ZBTB41: variants seen among roughly 807,000 people sequenced by gnomAD.
ZBTB41 encodes zinc finger and BTB domain-containing protein 41.
In ZBTB41, 42 loss-of-function variants were observed where a neutral mutation model predicts 87.6. The ratio of observed to expected loss-of-function variants is 0.48; its 90% CI spans 0.37 to 0.62. ZBTB41 has a LOEUF of 0.62. ZBTB41 is among the 20% of genes least tolerant of loss of function. The pLI is 0.00. For missense variants in ZBTB41, 799 were observed against 1,078.9 expected (o/e 0.74, Z 3.63); for synonymous variants, 364 against 364.0 (o/e 1.00, Z 0.00).
intron 2 of ZBTB41, among the ~76,000 whole-genome samples, chr1:197,196,799 C>T (rs759782897): frequency 3.3e-5 from 5 of 152,152 alleles, no homozygotes; most frequent in Admixed American, 1.3e-4. Context: ...GAGCAATTTC[C>T]AGAATACAAC....
intron 10 of ZBTB41, among the ~76,000 whole-genome samples, chr1:197,164,322 C>T (rs1201435027): frequency 6.6e-6 from 1 of 151,746 alleles, no homozygotes; most frequent in East Asian, 1.9e-4. Flanking sequence ...AACAACAATC[C>T]TTAATGATTA....
In ZBTB41 at chr1:197,158,011, A is replaced by G. The variant is rs1183200852; in HGVS notation, c.*1348T>C. The G allele has an allele frequency of 6.6e-6, 1 of 152,426 alleles. No homozygotes were observed. The highest frequency in any genetic ancestry group is 2.4e-5 in the African/African-American group (1 of 41,444). The allele number at this position is 152,426 out of a possible 1,614,324, so 9.4% of individuals were successfully genotyped here. ...TAGTTTATGTACAAATGACATGCTA[A>G]TAATAAATCAACCCTGTCTAGTCTA... On this transcript the variant is annotated 3_prime_UTR_variant, in exon 11 of 11. Coordinates refer to ENST00000367405, the MANE Select transcript of ZBTB41 (RefSeq NM_194314.3).
At chr1:197,179,874 G>T (rs1374085907) in intron 6 of ZBTB41, among the ~76,000 whole-genome samples, 4 of 152,152 alleles carry the variant, frequency 2.6e-5, no homozygotes, top group Non-Finnish European at 4.4e-5. Flanking sequence ...GAGTAAGAAG[G>T]TTGAAAAAAT....
At chr1:197,171,072 A>G (rs912349900) in intron 10 of ZBTB41, among the ~76,000 whole-genome samples, 3 of 152,116 alleles carry the variant, frequency 2.0e-5, no homozygotes, top group African/African-American at 7.2e-5. Flanking sequence ...TTTTGATGCA[A>G]TGTAGTCAGC....
At position 197,158,771 on chromosome 1, in the gene ZBTB41, A is replaced by G. The variant is rs907819960; in HGVS notation, c.*588T>C. ...ACATTAGTTAAGCTTTCTGGCTTTG[A>G]GTATATCAAAAGTCCAAAGGATAAT... On this transcript the variant is annotated 3_prime_UTR_variant, in exon 11 of 11. Transcript: ENST00000367405. 8 of 152,230 alleles carry G rather than the reference A, an allele frequency of 5.3e-5. No individual in the cohort carries two copies. Among genetic ancestry groups the G allele is most frequent in the African/African-American group, 1.9e-4 (8 of 41,462 alleles). 9.4% of individuals were successfully genotyped at this position (152,230 alleles called of 1,614,324 possible).
intron 4 of ZBTB41, among the ~76,000 whole-genome samples, chr1:197,188,698 T>C (rs1659945565): frequency 6.6e-6 from 1 of 152,212 alleles, no homozygotes; most frequent in Admixed American, 6.5e-5. Context: ...AATCATACTA[T>C]CTTAATTCTA....
At position 197,199,838 on chromosome 1, in the gene ZBTB41, A is replaced by G. The variant is rs1340985862; in HGVS notation, c.636T>C (p.Cys212=). 26 of 1,610,670 alleles carry G rather than the reference A, an allele frequency of 1.6e-5. No homozygotes were observed. Among genetic ancestry groups the G allele is most frequent in the Non-Finnish European group, 2.2e-5 (26 of 1,178,762 alleles). Residue 212 remains cysteine, a synonymous_variant, in exon 2 of 11, where the codon TGT becomes TGC. Coordinates refer to ENST00000367405, the MANE Select transcript of ZBTB41 (RefSeq NM_194314.3). ...ACTTTTTATAACAAAAATGTCTACTACAGAATTTGCACTGATGATTATTTG... is the reference window on the plus strand; with the variant it reads ...ACTTTTTATAACAAAAATGTCTACTGCAGAATTTGCACTGATGATTATTTG... ...RLSNNHQCKF[C]SRHFCYKKSL...
At chr1:197,193,137 C>T (rs927933026) in intron 2 of ZBTB41, among the ~76,000 whole-genome samples, 1 of 152,036 alleles carries the variant, frequency 6.6e-6, no homozygotes, top group Non-Finnish European at 1.5e-5. Context: ...ATTAGTTGCG[C>T]GATTTTAATC....
intron 4 of ZBTB41, 105 bp downstream of exon 4, chr1:197,190,657 T>G: frequency 7.9e-6 from 5 of 632,726 alleles, no homozygotes; most frequent in East Asian, 6.5e-5. Context: ...ATTCTAAAAG[T>G]GAGATAAGCT....
At position 197,188,398 on chromosome 1, in the gene ZBTB41, T is replaced by G; in HGVS notation, c.1440A>C (p.Glu480Asp). 1.1e-5 allele frequency: 18 copies of G among 1,613,204 alleles called. No homozygotes were observed. Among genetic ancestry groups the G allele is most frequent in the Non-Finnish European group, 1.5e-5 (18 of 1,179,670 alleles). The change falls in exon 5 of 11, where the codon GAA (glutamate) becomes GAC (aspartate). Residue 480 changes from glutamate to aspartate, a missense_variant. Physicochemically the swap from Glu to Asp is conservative, Grantham distance 45. Transcript: ENST00000367405. ...TATCTTGAGAATGTAGAATCATATGTTCCTCCAAGTGTGGTCTTCGAGTAA... is the reference window on the plus strand; with the variant it reads ...TATCTTGAGAATGTAGAATCATATGGTCCTCCAAGTGTGGTCTTCGAGTAA... ...KSFTRRPHLE[E>D]HMILHSQDKP...
chr1:197,200,456 C>T lies in ZBTB41; in HGVS notation c.18G>A (p.Lys6=), dbSNP rs148718587. The T allele has an allele frequency of 3.4e-4, 540 of 1,592,944 alleles. No homozygotes were observed. The highest frequency in any genetic ancestry group is 4.4e-4 in the Non-Finnish European group (521 of 1,172,664). The change falls in exon 2 of 11, where the codon AAG becomes AAA. Residue 6 remains lysine, a synonymous_variant. Transcript: ENST00000367405. MKKRR[K]VTSNLEKIHL... is the part of the protein sequence containing the mutation. ...GGATCTTCTCAAGATTTGAAGTAAC[C>T]TTTCTCCTCTTCTTCATTGCAGTAC...
At chr1:197,190,978 A>C in intron 3 of ZBTB41, 147 bp from the exon 4 acceptor site, 1 of 523,196 alleles carries the variant, frequency 1.9e-6, no homozygotes, top group South Asian at 2.8e-5. Context: ...CTCTTTAAGA[A>C]GGTATCATTA....
chr1:197,163,818 C>T (rs1315914049), intron 10 of ZBTB41, among the ~76,000 whole-genome samples: 1 of 151,690 alleles, frequency 6.6e-6, no homozygotes, highest in African/African-American at 2.4e-5. Context: ...GCTCCAAAAC[C>T]AAAAATAACC....
intron 10 of ZBTB41, among the ~76,000 whole-genome samples, chr1:197,166,788 G>A (rs1407839014): frequency 3.9e-5 from 6 of 152,006 alleles, no homozygotes; most frequent in Non-Finnish European, 5.9e-5. Flanking sequence ...TGGAGGTTGC[G>A]GTGAGCCAAG....
intron 10 of ZBTB41, among the ~76,000 whole-genome samples, chr1:197,160,796 C>A (rs1659183669): frequency 6.6e-6 from 1 of 152,184 alleles, no homozygotes; most frequent in East Asian, 1.9e-4. Flanking sequence ...TAAGGTAAGA[C>A]CTTGAAATAG....
intron 10 of ZBTB41, among the ~76,000 whole-genome samples, chr1:197,160,502 T>A (rs755841595): frequency 6.6e-5 from 10 of 152,188 alleles, no homozygotes; most frequent in Non-Finnish European, 1.5e-4. Context: ...CAATTCTAAT[T>A]AACATGGTTC....
chr1:197,174,516 C>T (rs1326249490), intron 9 of ZBTB41, among the ~76,000 whole-genome samples: 1 of 152,092 alleles, frequency 6.6e-6, no homozygotes, highest in East Asian at 1.9e-4. Flanking sequence ...TGCCTAACCC[C>T]AAAACATGAA....
chr1:197,154,205 G>A lies in ZBTB41; in HGVS notation c.*5154C>T, dbSNP rs1023542446. ...GCAGGAATACCAAGCAAAAAAATAC[G>A]CAGTAACAATGAGATGTGTACATCC... On this transcript the variant is annotated 3_prime_UTR_variant, in exon 11 of 11. Transcript: ENST00000367405. 4.6e-5 allele frequency: 7 copies of A among 152,424 alleles called. No homozygotes were observed. Among genetic ancestry groups the A allele is most frequent in the African/African-American group, 1.2e-4 (5 of 41,422 alleles). The allele number at this position is 152,424 out of a possible 1,614,324, so 9.4% of individuals were successfully genotyped here. A position where few individuals can be genotyped will look rare whatever the true frequency, so the allele number is the denominator to read the frequency against.
In ZBTB41 at chr1:197,195,584, T is replaced by C. The variant is rs78867521; in HGVS notation, c.1121-3685A>G. On this transcript the variant is annotated intron_variant, in intron 2 of 10. Coordinates refer to ENST00000367405, the MANE Select transcript of ZBTB41 (RefSeq NM_194314.3). Reference sequence around the variant, plus strand: ...AGAACTAAGTGGAATATCTGCACGATGGACTAGTCACATTTTTTTTTAAAG... The same window carrying C: ...AGAACTAAGTGGAATATCTGCACGACGGACTAGTCACATTTTTTTTTAAAG... 7.2e-5 allele frequency among the ~76,000 whole-genome samples: 11 copies of C among 152,318 alleles called. No homozygotes were observed. The East Asian group carries it at 2.1e-3, about 29-fold the overall frequency.
Sources: allele counts gnomAD v4.1 joint callset (sites outside exome capture counted in the v4.1 genomes callset), GRCh38; gene constraint gnomAD v4.1.1; transcripts MANE v1.5; gene names NCBI Gene and HGNC (gene_info 2026-07-23, HGNC 2026-07-21).